FBXL5: variants seen among roughly 807,000 people sequenced by gnomAD.
The protein encoded by FBXL5 is F-box and leucine rich repeat protein 5.
FBXL5 carries 26 observed loss-of-function variants against 78.3 expected under a neutral mutation model. The observed-to-expected ratio is 0.33, with a 90% CI of 0.24 to 0.46. The LOEUF is 0.46. Among genes scored for constraint, FBXL5 ranks in the 20% least tolerant of loss-of-function variants. The pLI is 1.00. For missense variants in FBXL5, 710 were observed against 829.2 expected (o/e 0.86, Z 1.77); for synonymous variants, 295 against 282.5 (o/e 1.04, Z -0.45).
chr4:15,610,062 C>T (rs1017577842), intron 10 of FBXL5, among the ~76,000 whole-genome samples: 2 of 151,954 alleles, frequency 1.3e-5, no homozygotes, highest in Admixed American at 6.6e-5. Context: ...TACACTTCTC[C>T]ATTGCTCTAA....
chr4:15,643,565 C>T (rs1577469197), intron 2 of FBXL5, among the ~76,000 whole-genome samples: 1 of 88,894 alleles, frequency 1.1e-5, no homozygotes, highest in Middle Eastern at 4.6e-3. Context: ...GCCACTATGT[C>T]TGGCTAAATT....
intron 9 of FBXL5, among the ~76,000 whole-genome samples, chr4:15,621,715 G>T (rs1488243160): frequency 6.6e-6 from 1 of 152,180 alleles, no homozygotes. Context: ...TAACAGCCAA[G>T]ATTTATTTTC....
chr4:15,654,983 C>G (rs1304700712), intron 1 of FBXL5, among the ~76,000 whole-genome samples: 3 of 151,784 alleles, frequency 2.0e-5, no homozygotes, highest in Non-Finnish European at 4.4e-5. Flanking sequence ...CCGCCCGCCC[C>G]GAGAGCACGT....
intron 10 of FBXL5, 76 bp from the exon 11 acceptor site, chr4:15,605,875 T>TCCTTCA: frequency 9.4e-7 from 1 of 1,061,238 alleles, no homozygotes; most frequent in Non-Finnish European, 1.4e-6. Context: ...TATGAAGGAG[T>TCCTTCA]TAAACATTCA....
Position 15,605,501 on chromosome 4 carries a change from T to C in FBXL5, c.*222A>G, listed in dbSNP as rs1721826785. The C allele has an allele frequency of 6.2e-6, 3 of 485,538 alleles. No homozygotes were observed. Among genetic ancestry groups the C allele is most frequent in the African/African-American group, 1.9e-5 (1 of 51,340 alleles). 30.1% of individuals were successfully genotyped at this position (485,538 alleles called of 1,614,324 possible). On this transcript the variant is annotated 3_prime_UTR_variant, in exon 11 of 11. Transcript: ENST00000341285. ...GAAAAATGTAAGACTGTTCTCACCC[T>C]TTTGAAAAGACCTAATCCCTTTCTA...
At chr4:15,656,047 C>G (rs1319685006), upstream of FBXL5, among the ~76,000 whole-genome samples, 1 of 152,238 alleles carries the variant, frequency 6.6e-6, no homozygotes, top group Non-Finnish European at 1.5e-5. Flanking sequence ...GGGGGAAAAA[C>G]AGTATCTGGG....
At chr4:15,612,746 T>C (rs577893799) in intron 9 of FBXL5, among the ~76,000 whole-genome samples, 1 of 152,162 alleles carries the variant, frequency 6.6e-6, no homozygotes, top group African/African-American at 2.4e-5. Flanking sequence ...TAAGTAAAAA[T>C]TATCAAGAAA....
At chr4:15,646,632 G>C (rs1213363630) in intron 1 of FBXL5, among the ~76,000 whole-genome samples, 1 of 151,708 alleles carries the variant, frequency 6.6e-6, no homozygotes, top group African/African-American at 2.4e-5. Flanking sequence ...TGCCATGTTG[G>C]TGTGCTGCAC....
At chr4:15,631,381 T>C (rs1010812899) in intron 5 of FBXL5, among the ~76,000 whole-genome samples, 2 of 152,256 alleles carry the variant, frequency 1.3e-5, no homozygotes, top group African/African-American at 4.8e-5. Flanking sequence ...TAAACGTATG[T>C]GCGCATGTGT....
At chr4:15,649,090 G>A (rs1715657802) in intron 1 of FBXL5, among the ~76,000 whole-genome samples, 1 of 151,632 alleles carries the variant, frequency 6.6e-6, no homozygotes, top group Non-Finnish European at 1.5e-5. Context: ...TTGTACAACA[G>A]GTTGAAGAAA....
chr4:15,621,463 T>C (rs1163401466), intron 9 of FBXL5, among the ~76,000 whole-genome samples: 3 of 152,210 alleles, frequency 2.0e-5, no homozygotes, highest in African/African-American at 7.2e-5. Context: ...TATGCCAACA[T>C]TCATAGCAGC....
At chr4:15,610,414 TA>T (rs1177362250) in intron 10 of FBXL5, among the ~76,000 whole-genome samples, 1 of 152,120 alleles carries the variant, frequency 6.6e-6, no homozygotes, top group African/African-American at 2.4e-5. Flanking sequence ...AATATTGGAT[TA>T]TACAAGCACT....
rs572394208 is a variant in FBXL5 at position 15,627,687 on chromosome 4, T to C, written c.1041+198A>G. On this transcript the variant is annotated intron_variant, in intron 7 of 10. Transcript: ENST00000341285. Reference sequence around the variant, plus strand: ...TTCCTCATCTGTAACATATAGGTAATGATAATTATGCTACAAAGATTGTTG... The same window carrying C: ...TTCCTCATCTGTAACATATAGGTAACGATAATTATGCTACAAAGATTGTTG... Among the ~76,000 whole-genome samples the C allele has an allele frequency of 7.9e-5, 12 of 152,310 alleles. No individual in the cohort carries two copies. In the South Asian group the frequency reaches 1.0e-3, roughly 13 times the overall value.
At chr4:15,610,775 A>G (rs1253840290) in intron 10 of FBXL5, among the ~76,000 whole-genome samples, 1 of 152,112 alleles carries the variant, frequency 6.6e-6, no homozygotes, top group Non-Finnish European at 1.5e-5. Context: ...GATTTATTCC[A>G]AAGCATAACC....
intron 1 of FBXL5, among the ~76,000 whole-genome samples, chr4:15,654,290 G>A (rs1202450386): frequency 6.6e-6 from 1 of 152,192 alleles, no homozygotes; most frequent in African/African-American, 2.4e-5. Context: ...GACTGCCTGA[G>A]GTTTGCAGAT....
intron 5 of FBXL5, among the ~76,000 whole-genome samples, chr4:15,635,814 G>GA (rs1351761385): frequency 2.0e-5 from 3 of 147,922 alleles, no homozygotes; most frequent in African/African-American, 5.0e-5. Context: ...CTCAGTGACA[G>GA]AAAAAATGTA....
chr4:15,664,369 C>G (rs776030058), upstream of FBXL5, among the ~76,000 whole-genome samples: 1 of 152,016 alleles, frequency 6.6e-6, no homozygotes, highest in Non-Finnish European at 1.5e-5. Context: ...AACAAAAAAT[C>G]TAATGACTCT....
intron 1 of FBXL5, among the ~76,000 whole-genome samples, chr4:15,679,559 G>C (rs538750419): frequency 7.2e-5 from 6 of 83,048 alleles, no homozygotes; most frequent in African/African-American, 2.9e-4. Context: ...TACAGTTCAG[G>C]AACAAAAAAA....
intron 6 of FBXL5, 104 bp downstream of exon 6, chr4:15,630,562 T>C (rs1260591184): frequency 8.9e-7 from 1 of 1,125,252 alleles, no homozygotes; most frequent in South Asian, 2.4e-5. Context: ...CACCAGTTTC[T>C]TTAGAAAACA....
Sources: gnomAD v4.1 joint callset for allele counts (sites outside exome capture counted in the v4.1 genomes callset) on GRCh38, gnomAD v4.1.1 for gene constraint, MANE v1.5 for transcripts, NCBI Gene and HGNC (gene_info 2026-07-23, HGNC 2026-07-21) for gene names.